Variants in C8orf34 observed in about 807,000 individuals in gnomAD.
C8orf34 encodes uncharacterized protein C8orf34.
A neutral mutation model predicts 68.3 loss-of-function variants in C8orf34; 65 were observed. That is an observed-to-expected ratio of 0.95 (90% CI 0.78 to 1.17). C8orf34 has a LOEUF of 1.17. Among genes scored for constraint, C8orf34 ranks in the 50% most tolerant of loss-of-function variants. The pLI, the probability that C8orf34 is intolerant of heterozygous loss-of-function variation, is 0.00. For synonymous variants in C8orf34, 244 were observed against 241.2 expected, an observed-to-expected ratio of 1.01 and a Z score of -0.11; for missense variants, 664 against 655.4, an observed-to-expected ratio of 1.01 and a Z score of -0.14.
intron 7 of C8orf34, among the ~76,000 whole-genome samples, chr8:68,573,888 T>A (rs1369420416): frequency 6.6e-6 from 1 of 152,196 alleles, no homozygotes; most frequent in Admixed American, 6.6e-5. Context: ...GTTAGTCCTA[T>A]GTGATGTTCC....
chr8:68,591,666 A>G (rs1317642648), intron 7 of C8orf34, among the ~76,000 whole-genome samples: 1 of 152,234 alleles, frequency 6.6e-6, no homozygotes, highest in East Asian at 1.9e-4. Context: ...TCTATTGTCT[A>G]TGAGAAAATA....
chr8:68,419,699 A>G (rs2129623325), intron 1 of C8orf34, among the ~76,000 whole-genome samples: 1 of 151,780 alleles, frequency 6.6e-6, no homozygotes, highest in East Asian at 2.0e-4. Context: ...GAAATTGGAA[A>G]TCATCATTCT....
At position 68,728,733 on chromosome 8, in the gene C8orf34, A is replaced by G. The variant is rs1003231665; in HGVS notation, c.1404+7296A>G. On this transcript the variant is annotated intron_variant, in intron 10 of 13. Transcript: ENST00000518698. ...CAATAACCACCCCCTTGATCCCTTCAACAACATGTGGGAATTCTGAGAGAT... is the reference window on the plus strand; with the variant it reads ...CAATAACCACCCCCTTGATCCCTTCGACAACATGTGGGAATTCTGAGAGAT... 3.9e-5 allele frequency among the ~76,000 whole-genome samples: 6 copies of G among 152,194 alleles called. No homozygotes were observed. The South Asian group carries it at 6.2e-4, about 16-fold the overall frequency.
intron 7 of C8orf34, among the ~76,000 whole-genome samples, chr8:68,610,621 C>T (rs1196040832): frequency 3.9e-5 from 6 of 152,036 alleles, no homozygotes. Context: ...TTAGGAAGTG[C>T]AGCCACTAAG....
intron 12 of C8orf34, among the ~76,000 whole-genome samples, chr8:68,812,325 A>G (rs540901731): frequency 3.9e-4 from 60 of 152,308 alleles, no homozygotes; most frequent in African/African-American, 1.4e-3. Flanking sequence ...TAAAAGTACA[A>G]CAACTGTTCA....
At chr8:68,638,588 T>A (rs1818914386) in intron 7 of C8orf34, among the ~76,000 whole-genome samples, 1 of 152,012 alleles carries the variant, frequency 6.6e-6, no homozygotes, top group Admixed American at 6.6e-5. Context: ...TGATGGAGGT[T>A]CTAGCAGAGT....
intron 11 of C8orf34, among the ~76,000 whole-genome samples, chr8:68,780,657 T>A (rs113691435): frequency 6.6e-6 from 1 of 152,132 alleles, no homozygotes. Flanking sequence ...GCCCAGCTCA[T>A]GCCTGTAATC....
chr8:68,673,622 A>T (rs1319704044), intron 8 of C8orf34, among the ~76,000 whole-genome samples: 1 of 152,158 alleles, frequency 6.6e-6, no homozygotes, highest in African/African-American at 2.4e-5. Context: ...TCCACAGTAG[A>T]ATACAGCACC....
chr8:68,614,003 G>C (rs13257163), intron 7 of C8orf34, among the ~76,000 whole-genome samples: 3 of 152,132 alleles, frequency 2.0e-5, no homozygotes, highest in South Asian at 2.1e-4. Flanking sequence ...GAGATGGTAT[G>C]TCATTGAGGT....
intron 8 of C8orf34, among the ~76,000 whole-genome samples, chr8:68,675,769 G>A (rs1820168132): frequency 6.6e-6 from 1 of 152,080 alleles, no homozygotes; most frequent in Admixed American, 6.6e-5. Context: ...GAATGTAAAT[G>A]GACTAAACTC....
At chr8:68,593,662 C>T (rs886998259) in intron 7 of C8orf34, among the ~76,000 whole-genome samples, 20 of 151,904 alleles carry the variant, frequency 1.3e-4, no homozygotes, top group African/African-American at 4.3e-4. Context: ...TCATTTACAG[C>T]TTTTCTCTTA....
At chr8:68,447,761 C>T (rs1402122385) in intron 3 of C8orf34, 1 of 152,138 alleles carries the variant, frequency 6.6e-6, no homozygotes, top group African/African-American at 2.4e-5. Context: ...ATTAACCACA[C>T]CAAGTTCTTG....
intron 7 of C8orf34, among the ~76,000 whole-genome samples, chr8:68,596,856 G>A (rs920820417): frequency 6.6e-6 from 1 of 152,094 alleles, no homozygotes; most frequent in African/African-American, 2.4e-5. Flanking sequence ...AGAACAAAAG[G>A]CTGACAAGGC....
At chr8:68,653,601 T>G (rs1423656239) in intron 8 of C8orf34, among the ~76,000 whole-genome samples, 1 of 152,156 alleles carries the variant, frequency 6.6e-6, no homozygotes, top group Non-Finnish European at 1.5e-5. Context: ...GGTGAGGACT[T>G]TCTTCCAGGG....
intron 1 of C8orf34, chr8:68,439,187 T>G (rs1810791346): frequency 5.4e-6 from 1 of 184,122 alleles, no homozygotes; most frequent in Admixed American, 6.1e-5. Flanking sequence ...TCTTAAGCTA[T>G]AATTTTAAAG....
intron 1 of C8orf34, among the ~76,000 whole-genome samples, chr8:68,422,679 C>T (rs1810031128): frequency 6.6e-6 from 1 of 152,220 alleles, no homozygotes; most frequent in African/African-American, 2.4e-5. Flanking sequence ...TAGGCAGTGC[C>T]CCAATGGGGA....
chr8:68,534,247 T>C (rs555188112), intron 7 of C8orf34: 3 of 985,380 alleles, frequency 3.0e-6, no homozygotes, highest in African/African-American at 3.5e-5. Context: ...GATTGTATCA[T>C]GGCGTTTTCA....
chr8:68,591,845 T>C (rs1423472135), intron 7 of C8orf34, among the ~76,000 whole-genome samples: 2 of 152,152 alleles, frequency 1.3e-5, no homozygotes, highest in Non-Finnish European at 2.9e-5. Context: ...GAATTGCCCA[T>C]GATCAGACTA....
intron 10 of C8orf34, among the ~76,000 whole-genome samples, chr8:68,725,065 C>T (rs1295274608): frequency 6.6e-6 from 1 of 152,050 alleles, no homozygotes; most frequent in African/African-American, 2.4e-5. Flanking sequence ...CAGAATCTAG[C>T]TATGTTGCCC....
Sources: gnomAD v4.1 joint callset for allele counts (sites outside exome capture counted in the v4.1 genomes callset) on GRCh38, gnomAD v4.1.1 for gene constraint, MANE v1.5 for transcripts, NCBI Gene and HGNC (gene_info 2026-07-23, HGNC 2026-07-21) for gene names.